Variants in RAB33A observed in about 807,000 individuals in gnomAD.
The protein encoded by RAB33A is RAB33A, member RAS oncogene family.
In RAB33A, 6 loss-of-function variants were observed where a neutral mutation model predicts 12.0. That is an observed-to-expected ratio of 0.50 (90% CI 0.27 to 0.99). The LOEUF (loss-of-function observed/expected upper bound fraction) is 0.99. RAB33A is among the 50% of genes least tolerant of loss of function. The pLI is 0.11. For missense variants in RAB33A, 109 were observed against 192.0 expected, an observed-to-expected ratio of 0.57 and a Z score of 2.55; for synonymous variants, 70 against 82.4, an observed-to-expected ratio of 0.85 and a Z score of 0.81.
intron 1 of RAB33A, among the ~76,000 whole-genome samples, chrX:130,182,177 T>C (rs56246478): frequency 0.023 from 1,148 of 49,094 alleles, 71 homozygotes; most frequent in African/African-American, 0.084. Context: ...TATATATATA[T>C]ATATACACAT....
At chrX:130,143,963 C>G in the RAB33A span, among the ~76,000 whole-genome samples, 2 of 111,750 alleles carry the variant, frequency 1.8e-5, no homozygotes, top group Non-Finnish European at 3.8e-5. Context: ...AATTCTCTCT[C>G]TACCACTTAC....
chrX:130,139,560 G>A, the RAB33A span, among the ~76,000 whole-genome samples: 1 of 111,129 alleles, frequency 9.0e-6, no homozygotes, highest in Non-Finnish European at 1.9e-5. Flanking sequence ...CAATCAGAAG[G>A]ATCTATTGCA....
the RAB33A span, among the ~76,000 whole-genome samples, chrX:130,157,216 T>A: frequency 8.9e-6 from 1 of 112,308 alleles, no homozygotes; most frequent in Non-Finnish European, 1.9e-5. Context: ...ATGTGAAGTG[T>A]CCAGCAACTC....
intron 1 of RAB33A, among the ~76,000 whole-genome samples, chrX:130,181,808 A>G (rs1317413646): frequency 9.1e-6 from 1 of 110,213 alleles, no homozygotes; most frequent in African/African-American, 3.3e-5. Context: ...TTAGCTGGGC[A>G]TGGTGGCGCA....
the RAB33A span, among the ~76,000 whole-genome samples, chrX:130,153,418 A>C: frequency 9.3e-6 from 1 of 107,264 alleles, no homozygotes; most frequent in Non-Finnish European, 1.9e-5. Flanking sequence ...AGTGGGAGGG[A>C]GGTAAAGAGC....
chrX:130,140,516 T>C, the RAB33A span: 1 of 1,187,554 alleles, frequency 8.4e-7, no homozygotes, highest in Non-Finnish European at 1.1e-6. Flanking sequence ...AAGAAAGCCA[T>C]CTCCAGAAAT....
chrX:130,176,914 A>G (rs2031670286), intron 1 of RAB33A, among the ~76,000 whole-genome samples: 1 of 112,397 alleles, frequency 8.9e-6, no homozygotes, highest in South Asian at 3.7e-4. Context: ...TCGGCCTCCA[A>G]CAAAAGCACA....
chrX:130,179,929 A>G (rs1324909532), intron 1 of RAB33A, among the ~76,000 whole-genome samples: 1 of 108,244 alleles, frequency 9.2e-6, no homozygotes, highest in African/African-American at 3.4e-5. Flanking sequence ...TCTATTCAAA[A>G]TGGTATGATG....
the RAB33A span, among the ~76,000 whole-genome samples, chrX:130,135,213 A>C: frequency 5.8e-4 from 63 of 109,025 alleles, no homozygotes; most frequent in Non-Finnish European, 1.0e-3. Flanking sequence ...CAGCCTCCCA[A>C]GTAGCTGGGA....
chrX:130,146,281 A>T, the RAB33A span, among the ~76,000 whole-genome samples: 2 of 109,543 alleles, frequency 1.8e-5, no homozygotes, highest in African/African-American at 3.3e-5. Context: ...CTAGAAAAAA[A>T]TTTTTTTAAT....
At chrX:130,180,885 G>A (rs372902034) in intron 1 of RAB33A, among the ~76,000 whole-genome samples, 21 of 103,529 alleles carry the variant, frequency 2.0e-4, no homozygotes, top group East Asian at 1.6e-3. Flanking sequence ...GCACACGCCT[G>A]TTATCCCAGC....
At chrX:130,111,483 C>T in the RAB33A span, among the ~76,000 whole-genome samples, 826 of 112,798 alleles carry the variant, frequency 7.3e-3, 6 homozygotes, top group Non-Finnish European at 0.013. Flanking sequence ...CCGCGAGATG[C>T]CCAGAGGATA....
the RAB33A span, chrX:130,165,899 G>C: frequency 4.6e-6 from 2 of 430,933 alleles, no homozygotes; most frequent in Non-Finnish European, 8.3e-6. Flanking sequence ...CGATTGGTCC[G>C]CACGGCGAGA....
the RAB33A span, chrX:130,136,930 G>A: frequency 8.9e-7 from 1 of 1,127,728 alleles, no homozygotes; most frequent in Non-Finnish European, 1.2e-6. Flanking sequence ...AGAACACCTA[G>A]ATGAACTTAG....
chrX:130,127,357 G>A, the RAB33A span, among the ~76,000 whole-genome samples: 21 of 110,931 alleles, frequency 1.9e-4, no homozygotes, highest in African/African-American at 6.9e-4. Context: ...CATTCCTCAC[G>A]GACACCAGGA....
the RAB33A span, among the ~76,000 whole-genome samples, chrX:130,141,347 T>C: frequency 9.0e-6 from 1 of 111,603 alleles, no homozygotes; most frequent in African/African-American, 3.3e-5. Flanking sequence ...GAGCAAGTCA[T>C]GACAGTCCCA....
Position 130,172,018 on chromosome X carries a change from T to G in RAB33A, c.-45T>G. The G allele has an allele frequency of 8.6e-7, 1 of 1,159,461 alleles. No individual in the cohort carries two copies. Among genetic ancestry groups the G allele is most frequent in the Non-Finnish European group, 1.1e-6 (1 of 871,631 alleles). ...CACGAACGTGGACGTTCTCTTTGTG[T>G]GGAGCCCTCAAGGGGGGTTGGGGCC... On this transcript the variant is annotated 5_prime_UTR_variant, in exon 1 of 2. Coordinates refer to ENST00000257017, the MANE Select transcript of RAB33A (RefSeq NM_004794.3).
At chrX:130,176,181 C>G (rs1179655799) in intron 1 of RAB33A, among the ~76,000 whole-genome samples, 2 of 111,761 alleles carry the variant, frequency 1.8e-5, no homozygotes, top group African/African-American at 6.5e-5. Context: ...TGGAGCTTCC[C>G]TTAATGACTA....
chrX:130,181,723 G>A lies in RAB33A; in HGVS notation c.259-2562G>A, dbSNP rs779919485. On this transcript the variant is annotated intron_variant, in intron 1 of 1. Coordinates refer to ENST00000257017, the MANE Select transcript of RAB33A (RefSeq NM_004794.3). Reference sequence around the variant, plus strand: ...GTAATCCCAGCACTTTGGGAGGCTCGATCATTTGAGGTCAGGAATTCAAGA... The same window carrying A: ...GTAATCCCAGCACTTTGGGAGGCTCAATCATTTGAGGTCAGGAATTCAAGA... 1.4e-3 allele frequency among the ~76,000 whole-genome samples: 151 copies of A among 110,542 alleles called. 2 individuals carry two copies. Among genetic ancestry groups the A allele is most frequent in the African/African-American group, 4.6e-3 (141 of 30,415 alleles).
Sources: allele counts gnomAD v4.1 joint callset (sites outside exome capture counted in the v4.1 genomes callset), GRCh38; gene constraint gnomAD v4.1.1; transcripts MANE v1.5; gene names NCBI Gene and HGNC (gene_info 2026-07-23, HGNC 2026-07-21).